The following ATP9B variants were observed in gnomAD, a reference collection of about 807,000 sequenced individuals.
ATP9B encodes the protein ATPase phospholipid transporting 9B, also known as probable phospholipid-transporting ATPase IIB.
In ATP9B, 110 loss-of-function variants were observed where a neutral mutation model predicts 146.1. That is an observed-to-expected ratio of 0.75 (90% CI 0.65 to 0.88). The LOEUF (loss-of-function observed/expected upper bound fraction) is 0.88, where lower values mean the gene tolerates loss of function less well. ATP9B is among the 40% of genes least tolerant of loss of function. The probability of loss-of-function intolerance (pLI) is 0.00; values close to 1 mark genes in which losing one functional copy is unlikely to be tolerated. For missense variants in ATP9B, 1,499 were observed against 1,496.4 expected, an observed-to-expected ratio of 1.00 and a Z score of -0.03; for synonymous variants, 604 against 569.7, an observed-to-expected ratio of 1.06 and a Z score of -0.86.
intron 15 of ATP9B, among the ~76,000 whole-genome samples, chr18:79,309,467 T>G (rs1348310475): frequency 3.8e-3 from 390 of 103,714 alleles, no homozygotes; most frequent in African/African-American, 7.6e-3. Context: ...GGTCAGGGGT[T>G]GAGGAGTGAT....
At chr18:79,132,457 C>T (rs1429220461) in intron 5 of ATP9B, among the ~76,000 whole-genome samples, 5 of 152,128 alleles carry the variant, frequency 3.3e-5, no homozygotes, top group Non-Finnish European at 1.5e-5. Context: ...GAATAGTTTG[C>T]CCTGAGCCAC....
At chr18:79,344,935 C>G (rs1348635473) in intron 21 of ATP9B, among the ~76,000 whole-genome samples, 1 of 152,212 alleles carries the variant, frequency 6.6e-6, no homozygotes, top group Non-Finnish European at 1.5e-5. Flanking sequence ...AACTGTGGCA[C>G]CGGGGCTGGT....
At chr18:79,197,397 G>A (rs144272603) in intron 9 of ATP9B, among the ~76,000 whole-genome samples, 1 of 151,952 alleles carries the variant, frequency 6.6e-6, no homozygotes, top group African/African-American at 2.4e-5. Context: ...AATTAAATAA[G>A]TATATGACAA....
chr18:79,299,469 A>G (rs2096575437), intron 13 of ATP9B, among the ~76,000 whole-genome samples: 1 of 151,382 alleles, frequency 6.6e-6, no homozygotes, highest in African/African-American at 2.4e-5. Context: ...AGATGCCACC[A>G]CTCCTGGGAG....
chr18:79,297,105 A>G (rs1364369392), intron 13 of ATP9B, among the ~76,000 whole-genome samples: 23 of 138,004 alleles, frequency 1.7e-4, no homozygotes, highest in Admixed American at 1.5e-3. Flanking sequence ...ACCCAGAGAG[A>G]AGACACAGAC....
At chr18:79,113,576 G>T (rs1041917626) in intron 4 of ATP9B, among the ~76,000 whole-genome samples, 1 of 152,192 alleles carries the variant, frequency 6.6e-6, no homozygotes, top group African/African-American at 2.4e-5. Context: ...AAGTTACAAA[G>T]TGCCTGAGCT....
chr18:79,199,509 C>G (rs2095446385), intron 9 of ATP9B, among the ~76,000 whole-genome samples: 1 of 151,908 alleles, frequency 6.6e-6, no homozygotes, highest in Non-Finnish European at 1.5e-5. Flanking sequence ...CGCCTGTAAT[C>G]CCAGCAATTT....
chr18:79,190,479 A>G (rs558512062), intron 8 of ATP9B, among the ~76,000 whole-genome samples: 1 of 151,894 alleles, frequency 6.6e-6, no homozygotes, highest in African/African-American at 2.4e-5. Context: ...ATATCTACAC[A>G]TATCATAAAC....
chr18:79,160,772 G>A (rs1291477390), intron 7 of ATP9B, among the ~76,000 whole-genome samples: 2 of 151,948 alleles, frequency 1.3e-5, no homozygotes, highest in Non-Finnish European at 2.9e-5. Flanking sequence ...TTGTTTGTTT[G>A]TTTGTTTTTT....
intron 26 of ATP9B, among the ~76,000 whole-genome samples, chr18:79,365,465 A>G (rs2097021011): frequency 6.6e-6 from 1 of 152,226 alleles, no homozygotes; most frequent in South Asian, 2.1e-4. Context: ...AAAGGTAAAC[A>G]TGTATTTACC....
At chr18:79,231,494 C>T (rs994696640) in intron 11 of ATP9B, among the ~76,000 whole-genome samples, 1 of 152,036 alleles carries the variant, frequency 6.6e-6, no homozygotes, top group African/African-American at 2.4e-5. Context: ...ATAGTAGATG[C>T]TGGTGTGGAT....
chr18:79,159,786 C>T (rs2094850562), intron 7 of ATP9B, among the ~76,000 whole-genome samples: 2 of 152,194 alleles, frequency 1.3e-5, no homozygotes, highest in South Asian at 4.1e-4. Flanking sequence ...GTCATGACCT[C>T]ACCCTACATC....
intron 25 of ATP9B, among the ~76,000 whole-genome samples, chr18:79,358,961 C>T (rs1476444375): frequency 2.0e-5 from 3 of 151,700 alleles, no homozygotes; most frequent in African/African-American, 4.9e-5. Context: ...TGCTCTGGGT[C>T]TGGAGGTGTC....
intron 13 of ATP9B, among the ~76,000 whole-genome samples, chr18:79,284,538 A>G (rs1205544816): frequency 6.6e-6 from 1 of 152,242 alleles, no homozygotes. Flanking sequence ...AAAGTGTCAA[A>G]TATTTTCAAA....
chr18:79,283,016 C>G (rs541050591), intron 13 of ATP9B, among the ~76,000 whole-genome samples: 45 of 152,222 alleles, frequency 3.0e-4, no homozygotes, highest in Non-Finnish European at 5.3e-4. Flanking sequence ...GCCCCCTTGC[C>G]TTTGTGAGGC....
chr18:79,212,732 A>G (rs969783455), intron 10 of ATP9B, among the ~76,000 whole-genome samples: 2 of 152,188 alleles, frequency 1.3e-5, no homozygotes, highest in Admixed American at 1.3e-4. Context: ...CGTAGTAAGT[A>G]TAGTCATCTA....
intron 1 of ATP9B, among the ~76,000 whole-genome samples, chr18:79,073,136 C>G (rs1421972110): frequency 6.6e-6 from 1 of 151,994 alleles, no homozygotes; most frequent in African/African-American, 2.4e-5. Context: ...GCGCTTCTCA[C>G]TTCCCAGACT....
intron 11 of ATP9B, among the ~76,000 whole-genome samples, chr18:79,252,177 G>T (rs1466475905): frequency 6.6e-6 from 1 of 152,210 alleles, no homozygotes; most frequent in Admixed American, 6.5e-5. Context: ...CAGCACACAT[G>T]GGGGGCGTAC....
chr18:79,162,215 C>T (rs1172177853), intron 7 of ATP9B, among the ~76,000 whole-genome samples: 3 of 152,192 alleles, frequency 2.0e-5, no homozygotes, highest in African/African-American at 7.2e-5. Flanking sequence ...TGAACACTGG[C>T]AGCTGGGTGC....
Sources: gnomAD v4.1 joint callset for allele counts (sites outside exome capture counted in the v4.1 genomes callset) on GRCh38, gnomAD v4.1.1 for gene constraint, MANE v1.5 for transcripts, NCBI Gene and HGNC (gene_info 2026-07-23, HGNC 2026-07-21) for gene names.